Variants in CLOCK observed in about 807,000 individuals in gnomAD.
The protein encoded by CLOCK is circadian locomoter output cycles protein kaput.
In CLOCK, 43 loss-of-function variants were observed where a neutral mutation model predicts 118.4. The ratio of observed to expected loss-of-function variants is 0.36; its 90% CI spans 0.28 to 0.47. The LOEUF (loss-of-function observed/expected upper bound fraction) is 0.47. Among genes scored for constraint, CLOCK ranks in the 20% least tolerant of loss-of-function variants. The pLI is 1.00. For synonymous variants in CLOCK, 326 were observed against 339.2 expected, an observed-to-expected ratio of 0.96 and a Z score of 0.43; for missense variants, 846 against 999.9, an observed-to-expected ratio of 0.85 and a Z score of 2.08.
chr4:55,492,342 A>G (rs1283391333), intron 2 of CLOCK, among the ~76,000 whole-genome samples: 2 of 134,080 alleles, frequency 1.5e-5, no homozygotes, highest in Non-Finnish European at 3.2e-5. Flanking sequence ...AACAAAATCC[A>G]ACACCTATTC....
intron 1 of CLOCK, chr4:55,540,651 C>A: frequency 6.6e-6 from 1 of 152,350 alleles, no homozygotes; most frequent in South Asian, 2.1e-4. Flanking sequence ...ACCCTTGACC[C>A]AAGACCAGTC....
intron 1 of CLOCK, among the ~76,000 whole-genome samples, chr4:55,513,383 T>C (rs1352986544): frequency 6.6e-6 from 1 of 152,124 alleles, no homozygotes; most frequent in East Asian, 1.9e-4. Flanking sequence ...ATTTGAACAA[T>C]GACAAAATCA....
At chr4:55,487,549 T>C (rs980796808) in intron 3 of CLOCK, among the ~76,000 whole-genome samples, 1 of 152,136 alleles carries the variant, frequency 6.6e-6, no homozygotes, top group African/African-American at 2.4e-5. Context: ...GTCACCCCCA[T>C]TCTCAGCCAT....
At chr4:55,445,582 C>CTTTTTTTGTTTTTTTTTTTTTT (rs1723748891) in intron 18 of CLOCK, among the ~76,000 whole-genome samples, 1 of 68,574 alleles carries the variant, frequency 1.5e-5, no homozygotes, top group Non-Finnish European at 2.7e-5. Flanking sequence ...TTTCTATATT[C>CTTTTTTTGTTTTTTTTTTTTTT]TTTTTTTTTT....
intron 1 of CLOCK, among the ~76,000 whole-genome samples, chr4:55,528,991 C>T (rs1489969080): frequency 1.3e-5 from 2 of 152,044 alleles, no homozygotes; most frequent in South Asian, 2.1e-4. Flanking sequence ...CTTCTCATTC[C>T]AAGATGGCAA....
intron 6 of CLOCK, among the ~76,000 whole-genome samples, chr4:55,477,705 G>C (rs1203829349): frequency 6.6e-6 from 1 of 152,062 alleles, no homozygotes. Flanking sequence ...TAGGTTAATA[G>C]AGACACAATA....
Position 55,453,086 on chromosome 4 carries a change from C to G in CLOCK, c.1174G>C (p.Glu392Gln), listed in dbSNP as rs373421741. 9 of 1,612,614 alleles carry G rather than the reference C, an allele frequency of 5.6e-6. No homozygotes were observed. The East Asian group carries it at 6.7e-5, about 12-fold the overall frequency. Reference sequence around the variant, plus strand: ...GCAGCTGTCTCAGGAAGAGACTCTTCAATGCCAAGTTCTCGTCGTCTTTCA... The same window carrying G: ...GCAGCTGTCTCAGGAAGAGACTCTTGAATGCCAAGTTCTCGTCGTCTTTCA... ...RAERRRELGI[E>Q]ESLPETAADK... The change falls in exon 15 of 23, where the codon GAA becomes CAA. Residue 392 changes from glutamate (E) to glutamine (Q), a missense_variant. Coordinates refer to ENST00000513440, the MANE Select transcript of CLOCK (RefSeq NM_004898.4).
rs1038134420 is a variant in CLOCK at position 55,434,640 on chromosome 4, C to T, written c.*775G>A. On this transcript the variant is annotated 3_prime_UTR_variant, in exon 23 of 23. Transcript: ENST00000513440. ...AGCACATCATACCTCACTGAACAAACTGTGACATCACAGCCAAAGTATGAA... is the reference window on the plus strand; with the variant it reads ...AGCACATCATACCTCACTGAACAAATTGTGACATCACAGCCAAAGTATGAA... 2.0e-5 allele frequency: 3 copies of T among 152,096 alleles called. No individual in the cohort carries two copies. Among genetic ancestry groups the T allele is most frequent in the African/African-American group, 7.3e-5 (3 of 41,362 alleles). The allele number at this position is 152,096 out of a possible 1,614,324, so 9.4% of individuals were successfully genotyped here. A position where few individuals can be genotyped will look rare whatever the true frequency, so the allele number is the denominator to read the frequency against.
chr4:55,500,099 A>G (rs1728339258), intron 2 of CLOCK, among the ~76,000 whole-genome samples: 1 of 152,188 alleles, frequency 6.6e-6, no homozygotes, highest in South Asian at 2.1e-4. Context: ...GACTAGAAAT[A>G]AAGGGTTTCT....
intron 2 of CLOCK, among the ~76,000 whole-genome samples, chr4:55,509,604 C>T (rs2110020667): frequency 6.6e-6 from 1 of 152,322 alleles, no homozygotes; most frequent in South Asian, 2.1e-4. Context: ...ACTCGACTTT[C>T]AGTCATTTGC....
At position 55,444,656 on chromosome 4, in the gene CLOCK, T is replaced by C. The variant is rs1723644360; in HGVS notation, c.1669A>G (p.Met557Val). ...ACCTGCAGCCCCTGACCATGGACCA[T>C]CTGAAGTTGTTCTTGAATTTTTCTT... ...ELRKIQEQLQ[M>V]VHGQGLQMFL... The change falls in exon 19 of 23, where the codon ATG becomes GTG. Residue 557 changes from methionine (M) to valine (V), a missense_variant. By Grantham distance (21) the Met-to-Val change is conservative. Coordinates refer to ENST00000513440, the MANE Select transcript of CLOCK (RefSeq NM_004898.4). 5.6e-6 allele frequency: 9 copies of C among 1,614,108 alleles called. No individual in the cohort carries two copies. In the East Asian group the frequency reaches 1.3e-4, roughly 24 times the overall value.
At chr4:55,462,680 TA>T (rs767928686) in intron 9 of CLOCK, among the ~76,000 whole-genome samples, 10 of 152,350 alleles carry the variant, frequency 6.6e-5, no homozygotes, top group Non-Finnish European at 1.5e-4. Context: ...ATCTATTATA[TA>T]CAGCCTAAAT....
chr4:55,436,896 T>G (rs1315785578), intron 22 of CLOCK, among the ~76,000 whole-genome samples: 3 of 142,452 alleles, frequency 2.1e-5, no homozygotes, highest in African/African-American at 8.6e-5. Context: ...GGATGCCTTT[T>G]TTTTTTTTTT....
At chr4:55,539,572 C>CAAAAAAAAAAAAAAAAAAAA (rs57022769) in intron 1 of CLOCK, among the ~76,000 whole-genome samples, 1 of 52,064 alleles carries the variant, frequency 1.9e-5, no homozygotes, top group Non-Finnish European at 3.2e-5. Context: ...GACCTTGTCT[C>CAAAAAAAAAAAAAAAAAAAA]AAAAAAAAAA....
chr4:55,478,751 T>A, intron 6 of CLOCK, 64 bp downstream of exon 6: 1 of 1,516,334 alleles, frequency 6.6e-7, no homozygotes. Context: ...ATCTTAAGCA[T>A]CTCTGCCAAG....
In CLOCK at chr4:55,431,888, G is replaced by A. The variant is rs1722529691; in HGVS notation, c.*3527C>T. On this transcript the variant is annotated 3_prime_UTR_variant, in exon 23 of 23. Transcript: ENST00000513440. ...CCCTTTCTAAGGCTTCCTGAACAAGGGTTCTTCTCCCTTCAACAGTGCTCT... is the reference window on the plus strand; with the variant it reads ...CCCTTTCTAAGGCTTCCTGAACAAGAGTTCTTCTCCCTTCAACAGTGCTCT... 6.6e-6 allele frequency: 1 copy of A among 152,134 alleles called. No homozygotes were observed. The highest frequency in any genetic ancestry group is 2.4e-5 in the African/African-American group (1 of 41,438). The allele number at this position is 152,134 out of a possible 1,614,324, so 9.4% of individuals were successfully genotyped here.
chr4:55,448,232 A>AAT (rs1724045362), intron 18 of CLOCK, among the ~76,000 whole-genome samples: 1 of 152,204 alleles, frequency 6.6e-6, no homozygotes, highest in Admixed American at 6.5e-5. Context: ...CGGCATCTGC[A>AAT]ATGCCTGTTA....
chr4:55,525,176 T>G (rs560912347), intron 1 of CLOCK, among the ~76,000 whole-genome samples: 1 of 152,314 alleles, frequency 6.6e-6, no homozygotes, highest in Non-Finnish European at 1.5e-5. Flanking sequence ...ATTCAGTTTT[T>G]AAAAAGAAAA....
intron 8 of CLOCK, among the ~76,000 whole-genome samples, chr4:55,470,199 G>T (rs1726034030): frequency 6.6e-6 from 1 of 152,088 alleles, no homozygotes; most frequent in Admixed American, 6.6e-5. Flanking sequence ...GCAACTTCCA[G>T]TCCTGCAAGT....
Sources: allele counts gnomAD v4.1 joint callset (sites outside exome capture counted in the v4.1 genomes callset), GRCh38; gene constraint gnomAD v4.1.1; transcripts MANE v1.5; gene names NCBI Gene and HGNC (gene_info 2026-07-23, HGNC 2026-07-21).